The following ABCA1 variants were observed in gnomAD, a reference collection of about 807,000 sequenced individuals.
The protein encoded by ABCA1 is phospholipid-transporting ATPase ABCA1.
In ABCA1, 133 loss-of-function variants were observed where a neutral mutation model predicts 262.5. That is an observed-to-expected ratio of 0.51 (90% CI 0.44 to 0.59). ABCA1 has a LOEUF of 0.59. Ranked by LOEUF, ABCA1 falls within the 20% of genes least tolerant of loss-of-function variation. The pLI is 0.00. For synonymous variants in ABCA1, 1,022 were observed against 1,043.5 expected (o/e 0.98, Z 0.40); for missense variants, 2,452 against 2,777.5 (o/e 0.88, Z 2.63).
chr9:104,831,576 T>C, intron 13 of ABCA1, 46 bp downstream of exon 13: 1 of 1,526,960 alleles, frequency 6.5e-7, no homozygotes, highest in Non-Finnish European at 9.0e-7. Context: ...TAATAGGTGC[T>C]CTGGACCTCC....
intron 1 of ABCA1, among the ~76,000 whole-genome samples, chr9:104,926,336 C>A (rs955440797): frequency 2.0e-4 from 31 of 152,120 alleles, no homozygotes; most frequent in African/African-American, 6.7e-4. Context: ...TTCTTTGCTT[C>A]TTTTTGATAA....
Position 104,840,148 on chromosome 9 carries a change from C to T in ABCA1, c.1054+131G>A. 7 of 1,501,562 alleles carry T rather than the reference C, an allele frequency of 4.7e-6. No homozygotes were observed. In the South Asian group the frequency reaches 7.2e-5, roughly 16 times the overall value. 93.0% of individuals were successfully genotyped at this position (1,501,562 alleles called of 1,614,324 possible). ...AGAAGCCTCTCTCCTCTAGGAAGAG[C>T]TCAGTCTGGTGGGCAAATGGGCATG... is the stretch of plus-strand genomic sequence containing the variant. On this transcript the variant is annotated intron_variant, in intron 9 of 49. Coordinates refer to ENST00000374736, the MANE Select transcript of ABCA1 (RefSeq NM_005502.4).
At chr9:104,919,920 A>G (rs1276424099) in intron 1 of ABCA1, among the ~76,000 whole-genome samples, 1 of 152,166 alleles carries the variant, frequency 6.6e-6, no homozygotes, top group Non-Finnish European at 1.5e-5. Flanking sequence ...GCTCTGAGGC[A>G]TTCCCTGGTT....
At chr9:104,913,963 CTA>C (rs958239089) in intron 1 of ABCA1, among the ~76,000 whole-genome samples, 47 of 143,898 alleles carry the variant, frequency 3.3e-4, no homozygotes, top group East Asian at 8.5e-4. Context: ...ACACGCCCGG[CTA>C]ATTTTTTGTA....
chr9:104,862,632 G>GCTGGGCCGGCCCCCCACCCCCCCCC (rs1564197602), intron 5 of ABCA1, among the ~76,000 whole-genome samples: 1 of 658 alleles, frequency 1.5e-3, no homozygotes, highest in African/African-American at 5.3e-3. Context: ...AATGCAGACT[G>GCTGGGCCGGCCCCCCACCCCCCCCC]CCGGGCCGGG....
chr9:104,924,239 T>C (rs1842301653), intron 1 of ABCA1, among the ~76,000 whole-genome samples: 1 of 152,202 alleles, frequency 6.6e-6, no homozygotes, highest in South Asian at 2.1e-4. Context: ...AATGATCTTT[T>C]AACATTTGAT....
chr9:104,872,670 C>T lies in ABCA1; in HGVS notation c.421+10369G>A, dbSNP rs2777782. On this transcript the variant is annotated intron_variant, in intron 5 of 49. Transcript: ENST00000374736. The stretch of plus-strand genomic sequence containing the variant: ...ACTTAGTCTGTTGAATAGTGTCGCA[C>T]TGAGATTGCCTTTTGGTGCCTCAAT... Among the ~76,000 whole-genome samples the T allele has an allele frequency of 4.0e-3, 609 of 152,268 alleles. 1 individual carries two copies. Among genetic ancestry groups the T allele is most frequent in the Non-Finnish European group, 6.8e-3 (463 of 68,028 alleles).
chr9:104,819,678 C>A lies in ABCA1; in HGVS notation c.3149G>T (p.Gly1050Val), dbSNP rs985622413. Reference sequence around the variant, plus strand: ...TTCATCCAGAATGACAACCTTAGATCCCCCGACAAAGGCCAAGGCCACAGA... The same window carrying A: ...TTCATCCAGAATGACAACCTTAGATACCCCGACAAAGGCCAAGGCCACAGA... Reference protein sequence around the residue: ...KLSVALAFVGGSKVVILDEPT... With the variant: ...KLSVALAFVGVSKVVILDEPT... The change falls in exon 22 of 50, where the codon GGA becomes GTA. Residue 1050 changes from glycine (G) to valine (V), a missense_variant. By Grantham distance (109) the Gly-to-Val change is moderately radical. Transcript: ENST00000374736. 6.2e-7 allele frequency: 1 copy of A among 1,614,210 alleles called. No individual in the cohort carries two copies. The highest frequency in any genetic ancestry group is 8.5e-7 in the Non-Finnish European group (1 of 1,180,032).
chr9:104,788,120 T>C, intron 45 of ABCA1, 66 bp from the exon 46 acceptor site: 1 of 1,518,992 alleles, frequency 6.6e-7, no homozygotes, highest in Non-Finnish European at 9.1e-7. Context: ...GTCCTACACA[T>C]ACATGTATGA....
intron 1 of ABCA1, among the ~76,000 whole-genome samples, chr9:104,913,907 T>C (rs1356355740): frequency 1.3e-5 from 2 of 152,270 alleles, no homozygotes; most frequent in East Asian, 3.9e-4. Context: ...GCCATTCTCC[T>C]GCCTCAGCCT....
rs781652820 is a variant in ABCA1 at position 104,790,919 on chromosome 9, C to T, written c.5927+3G>A. The T allele has an allele frequency of 1.9e-6, 3 of 1,592,118 alleles. No individual in the cohort carries two copies. The highest frequency in any genetic ancestry group is 1.1e-5 in the South Asian group (1 of 90,556). ...GCAAAATACAAGCCACTTCTTTTCT[C>T]ACCTATTTTTGTTAAGGAAAGCATC... On this transcript the variant is annotated splice_donor_region_variant and intron_variant, in intron 44 of 49. Transcript: ENST00000374736.
chr9:104,832,222 A>C (rs1833403459), intron 12 of ABCA1, among the ~76,000 whole-genome samples: 1 of 152,186 alleles, frequency 6.6e-6, no homozygotes. Flanking sequence ...TTGGACCCGA[A>C]TTCGATTTTA....
rs767068000 is a variant in ABCA1 at position 104,861,812 on chromosome 9, T to C, written c.422-12A>G. On this transcript the variant is annotated splice_polypyrimidine_tract_variant and intron_variant, in intron 5 of 49. Coordinates refer to ENST00000374736, the MANE Select transcript of ABCA1 (RefSeq NM_005502.4). ...TTGAAGCTTCAAGTCTATTGAGAAA[T>C]AGTGTTTTATTTTTATTTAGTAAGT... 9 of 1,607,276 alleles carry C rather than the reference T, an allele frequency of 5.6e-6. No individual in the cohort carries two copies. Among genetic ancestry groups the C allele is most frequent in the Non-Finnish European group, 7.6e-6 (9 of 1,177,376 alleles).
chr9:104,808,016 C>T lies in ABCA1; in HGVS notation c.4274+1450G>A, dbSNP rs1012866375. On this transcript the variant is annotated intron_variant, in intron 30 of 49. Coordinates refer to ENST00000374736, the MANE Select transcript of ABCA1 (RefSeq NM_005502.4). ...TGACCAGAAAAGTCACACTAAGACG[C>T]GCTGCCCTCCTGAAGCTTACACTCT... Among the ~76,000 whole-genome samples, 27 of 152,076 alleles carry T rather than the reference C, an allele frequency of 1.8e-4. No individual in the cohort carries two copies. The East Asian group carries it at 4.3e-3, about 24-fold the overall frequency.
Position 104,912,744 on chromosome 9 carries a change from C to T in ABCA1, c.-92-8973G>A, listed in dbSNP as rs571416916. Among the ~76,000 whole-genome samples the T allele has an allele frequency of 3.3e-5, 5 of 152,176 alleles. No individual in the cohort carries two copies. The South Asian group carries it at 6.2e-4, about 19-fold the overall frequency. On this transcript the variant is annotated intron_variant, in intron 1 of 49. Coordinates refer to ENST00000374736, the MANE Select transcript of ABCA1 (RefSeq NM_005502.4). ...TACCACTATTTGCCTTTTCCCTGGT[C>T]GGGGGGTATGTAGCACATAGAAAAA...
At chr9:104,830,546 C>T (rs1220082961) in intron 14 of ABCA1, among the ~76,000 whole-genome samples, 3 of 151,820 alleles carry the variant, frequency 2.0e-5, no homozygotes, top group African/African-American at 4.8e-5. Context: ...AAAAGTCAGC[C>T]GGGCGTGGCA....
intron 14 of ABCA1, among the ~76,000 whole-genome samples, chr9:104,830,076 C>T (rs1223953367): frequency 2.0e-5 from 3 of 152,214 alleles, no homozygotes; most frequent in South Asian, 4.2e-4. Flanking sequence ...ACTACACCTC[C>T]GCCCATTGTC....
intron 30 of ABCA1, among the ~76,000 whole-genome samples, chr9:104,807,918 T>C (rs1256647483): frequency 1.8e-5 from 2 of 114,116 alleles, no homozygotes; most frequent in Non-Finnish European, 3.6e-5. Flanking sequence ...TTTCTTATTG[T>C]TTTCTTATGT....
At position 104,783,696 on chromosome 9, in the gene ABCA1, G is replaced by C. The variant is rs1439700556; in HGVS notation, c.*619C>G. The C allele has an allele frequency of 6.5e-6, 1 of 153,186 alleles. No individual in the cohort carries two copies. Among genetic ancestry groups the C allele is most frequent in the African/African-American group, 2.4e-5 (1 of 41,420 alleles). The allele number at this position is 153,186 out of a possible 1,614,324, so 9.5% of individuals were successfully genotyped here. On this transcript the variant is annotated 3_prime_UTR_variant, in exon 50 of 50. Coordinates refer to ENST00000374736, the MANE Select transcript of ABCA1 (RefSeq NM_005502.4). ...CAGAGGGAATCAAAGCAGGATGTTAGCCACGCATGGCACCATTCTGTCAAC... is the reference window on the plus strand; with the variant it reads ...CAGAGGGAATCAAAGCAGGATGTTACCCACGCATGGCACCATTCTGTCAAC...
Sources: gnomAD v4.1 joint callset for allele counts (sites outside exome capture counted in the v4.1 genomes callset) on GRCh38, gnomAD v4.1.1 for gene constraint, MANE v1.5 for transcripts, NCBI Gene and HGNC (gene_info 2026-07-23, HGNC 2026-07-21) for gene names.